The following TRIM37 variants were observed in gnomAD, a reference collection of about 807,000 sequenced individuals.
TRIM37 encodes the protein E3 ubiquitin-protein ligase TRIM37.
In TRIM37, 80 loss-of-function variants were observed where a neutral mutation model predicts 129.8. The observed-to-expected ratio is 0.62, with a 90% confidence interval of 0.51 to 0.74. TRIM37 has a LOEUF of 0.74. Ranked by LOEUF, TRIM37 falls within the 30% of genes least tolerant of loss-of-function variation. The pLI is 0.00. For missense variants in TRIM37, 1,054 were observed against 1,176.5 expected (o/e 0.90, Z 1.52); for synonymous variants, 389 against 387.1 (o/e 1.00, Z -0.06).
downstream of TRIM37, among the ~76,000 whole-genome samples, chr17:58,995,436 G>T (rs945718084): frequency 1.3e-5 from 2 of 149,844 alleles, no homozygotes; most frequent in Non-Finnish European, 3.0e-5. Context: ...TGAGACATAT[G>T]AAAAGGGCAC....
intron 2 of TRIM37, among the ~76,000 whole-genome samples, chr17:59,094,549 G>A (rs941165286): frequency 2.6e-5 from 4 of 151,810 alleles, no homozygotes; most frequent in Non-Finnish European, 5.9e-5. Flanking sequence ...TATCTACCCT[G>A]CAAAACCGCT....
intron 24 of TRIM37, chr17:58,985,297 G>A (rs1320426036): frequency 6.6e-6 from 1 of 152,518 alleles, no homozygotes; most frequent in Non-Finnish European, 1.5e-5. Flanking sequence ...TGGAAGCTTG[G>A]AACATTTAAA....
At chr17:59,036,052 T>C (rs1031508811) in intron 17 of TRIM37, among the ~76,000 whole-genome samples, 4 of 152,182 alleles carry the variant, frequency 2.6e-5, no homozygotes, top group Non-Finnish European at 5.9e-5. Context: ...ATATTTACCA[T>C]CACAAAATCT....
chr17:58,977,054 A>G, the TRIM37 span, among the ~76,000 whole-genome samples: 2 of 152,222 alleles, frequency 1.3e-5, no homozygotes, highest in Non-Finnish European at 2.9e-5. Flanking sequence ...TTGAGTTTTA[A>G]TGAGCTCTAA....
At chr17:59,063,632 A>G (rs778726010) in intron 10 of TRIM37, among the ~76,000 whole-genome samples, 2 of 152,250 alleles carry the variant, frequency 1.3e-5, no homozygotes, top group Non-Finnish European at 2.9e-5. Context: ...TAAGAGAAAA[A>G]GTAGTAAAAG....
chr17:59,064,457 A>G (rs762518665), intron 9 of TRIM37, 52 bp from the exon 10 acceptor site: 18 of 1,447,218 alleles, frequency 1.2e-5, no homozygotes, highest in Non-Finnish European at 1.7e-5. Flanking sequence ...TTAAAATTCC[A>G]TTTGCCTAAA....
chr17:59,008,148 C>G, intron 22 of TRIM37, among the ~76,000 whole-genome samples: 1 of 152,190 alleles, frequency 6.6e-6, no homozygotes, highest in East Asian at 1.9e-4. Context: ...TCCTGTACTA[C>G]CTTCTCTCAG....
At chr17:59,043,562 A>G (rs2039474229) in intron 16 of TRIM37, among the ~76,000 whole-genome samples, 1 of 152,134 alleles carries the variant, frequency 6.6e-6, no homozygotes, top group Non-Finnish European at 1.5e-5. Flanking sequence ...AGGTATCAGC[A>G]TCTCTCATTC....
At chr17:59,088,128 AAT>A in intron 4 of TRIM37, 161 bp downstream of exon 4, 2 of 631,800 alleles carry the variant, frequency 3.2e-6, no homozygotes, top group Non-Finnish European at 5.6e-6. Context: ...ACACAATAAG[AAT>A]ATGTTACTTA....
Position 59,062,639 on chromosome 17 carries a change from A to G in TRIM37, c.870T>C (p.Arg290=). Residue 290 remains arginine (R), a synonymous_variant, in exon 11 of 24, where the codon CGT becomes CGC. Coordinates refer to ENST00000262294, the MANE Select transcript of TRIM37 (RefSeq NM_015294.6). ...GACTGTAAACAGGATCTGCTCTCTGACGCAAAGTGCTAACGAAAAAGAAAA... is the reference window on the plus strand; with the variant it reads ...GACTGTAAACAGGATCTGCTCTCTGGCGCAAAGTGCTAACGAAAAAGAAAA... ...TFVLENFSTL[R]QRADPVYSPP... is the part of the protein sequence containing the mutation. 6.2e-7 allele frequency: 1 copy of G among 1,613,990 alleles called. No individual in the cohort carries two copies. Among genetic ancestry groups the G allele is most frequent in the Non-Finnish European group, 8.5e-7 (1 of 1,179,898 alleles).
Position 59,032,002 on chromosome 17 carries a change from A to G in TRIM37, c.1842T>C (p.Ile614=). 9 of 1,614,202 alleles carry G rather than the reference A, an allele frequency of 5.6e-6. No individual in the cohort carries two copies. The highest frequency in any genetic ancestry group is 7.6e-6 in the Non-Finnish European group (9 of 1,180,034). The change falls in exon 18 of 24, where the codon ATT becomes ATC. Residue 614 remains isoleucine (I), a synonymous_variant. Transcript: ENST00000262294. Reference sequence around the variant, plus strand: ...ACAAATGTATTAAAATTAATGGATCAATGTCTAGTAAACTACTGGTAGCAG... The same window carrying G: ...ACAAATGTATTAAAATTAATGGATCGATGTCTAGTAAACTACTGGTAGCAG... The part of the protein sequence containing the change: ...CSAATSSLLD[I]DPLILIHLLD...
intron 7 of TRIM37, among the ~76,000 whole-genome samples, chr17:59,078,350 G>A (rs1219258481): frequency 1.3e-5 from 2 of 152,086 alleles, no homozygotes; most frequent in Non-Finnish European, 2.9e-5. Context: ...AGCAGGGCAA[G>A]TTCAGTTATT....
intron 2 of TRIM37, among the ~76,000 whole-genome samples, chr17:59,095,087 C>T (rs1301992910): frequency 5.3e-5 from 8 of 151,936 alleles, no homozygotes; most frequent in East Asian, 1.9e-4. Context: ...ATGGTGGACA[C>T]GCCTGTAGTC....
At chr17:59,101,490 T>C (rs1198008676) in intron 2 of TRIM37, among the ~76,000 whole-genome samples, 3 of 151,284 alleles carry the variant, frequency 2.0e-5, no homozygotes, top group African/African-American at 7.3e-5. Context: ...CAAATATAAG[T>C]GAAACAGGGA....
intron 5 of TRIM37, 47 bp downstream of exon 5, chr17:59,083,954 GC>G: frequency 6.9e-7 from 1 of 1,442,158 alleles, no homozygotes; most frequent in Non-Finnish European, 9.8e-7. Context: ...GTATTTCAGT[GC>G]CTTCTAGCCT....
chr17:59,082,297 A>G (rs2043371373), intron 5 of TRIM37, among the ~76,000 whole-genome samples: 1 of 151,956 alleles, frequency 6.6e-6, no homozygotes, highest in South Asian at 2.1e-4. Context: ...ACAAATAATA[A>G]TAATAATTCT....
At chr17:59,009,438 C>CT (rs2034967049) in intron 22 of TRIM37, among the ~76,000 whole-genome samples, 1 of 119,798 alleles carries the variant, frequency 8.3e-6, no homozygotes, top group African/African-American at 2.9e-5. Context: ...CTTCCAATTT[C>CT]TTTTCTTTTT....
chr17:58,975,214 C>G, the TRIM37 span, among the ~76,000 whole-genome samples: 3 of 152,202 alleles, frequency 2.0e-5, no homozygotes, highest in Non-Finnish European at 4.4e-5. Context: ...AAACCAAACA[C>G]CTATTTCTCC....
chr17:59,001,406 T>G (rs1179921818), intron 23 of TRIM37, among the ~76,000 whole-genome samples, 192 bp downstream of exon 23: 1 of 146,364 alleles, frequency 6.8e-6, no homozygotes, highest in Non-Finnish European at 1.5e-5. Flanking sequence ...TTTTTAGTAC[T>G]CACCATAATA....
Sources: allele counts gnomAD v4.1 joint callset (sites outside exome capture counted in the v4.1 genomes callset), GRCh38; gene constraint gnomAD v4.1.1; transcripts MANE v1.5; gene names NCBI Gene and HGNC (gene_info 2026-07-23, HGNC 2026-07-21).